The following NCKAP5 variants were observed in gnomAD, a reference collection of about 807,000 sequenced individuals.
The protein encoded by NCKAP5 is nck-associated protein 5.
Under a neutral mutation model 167.0 loss-of-function variants are expected in NCKAP5, and 92 were observed. The observed-to-expected ratio is 0.55, with a 90% CI of 0.47 to 0.66. The LOEUF is 0.66. NCKAP5 is among the 30% of genes least tolerant of loss of function. The probability of loss-of-function intolerance (pLI) is 0.00; values close to 1 mark genes in which losing one functional copy is unlikely to be tolerated. For missense variants in NCKAP5, 2,378 were observed against 2,315.0 expected (o/e 1.03, Z -0.56); for synonymous variants, 891 against 877.4 (o/e 1.02, Z -0.27).
At chr2:133,258,762 G>A (rs114081736) in intron 4 of NCKAP5, among the ~76,000 whole-genome samples, 8,216 of 150,478 alleles carry the variant, frequency 0.055, 699 homozygotes, top group African/African-American at 0.18. Flanking sequence ...AAAAAAAAAA[G>A]AAGAAGAAGA....
In NCKAP5 at chr2:133,334,110, T is replaced by G. The variant is rs139171814; in HGVS notation, c.70-31000A>C. On this transcript the variant is annotated intron_variant, in intron 3 of 19. Transcript: ENST00000409261. ...GATGGTTTATTTCAATGGTTATGTG[T>G]GTGGACACTGGAGCCATCTTGCTTG... 7.9e-3 allele frequency among the ~76,000 whole-genome samples: 1,207 copies of G among 152,294 alleles called. 18 individuals are homozygous for G. Among genetic ancestry groups the G allele is most frequent in the African/African-American group, 0.025 (1,057 of 41,564 alleles).
intron 16 of NCKAP5, among the ~76,000 whole-genome samples, chr2:132,741,376 C>A (rs1679179688): frequency 6.6e-6 from 1 of 152,092 alleles, no homozygotes; most frequent in Admixed American, 6.6e-5. Flanking sequence ...AAAACAATGG[C>A]TACACTTGTA....
intron 3 of NCKAP5, among the ~76,000 whole-genome samples, chr2:133,451,156 C>G (rs540818885): frequency 2.6e-5 from 4 of 152,090 alleles, no homozygotes; most frequent in South Asian, 4.2e-4. Context: ...AGAAGATGGC[C>G]CAGTAACATG....
At chr2:133,106,341 A>T (rs2149699359) in intron 6 of NCKAP5, among the ~76,000 whole-genome samples, 1 of 151,756 alleles carries the variant, frequency 6.6e-6, no homozygotes, top group African/African-American at 2.4e-5. Context: ...ATTGTATTAG[A>T]GAAGAAGAGC....
At position 133,403,887 on chromosome 2, in the gene NCKAP5, A is replaced by ATGTGTGTGTGTGTGTGTGTGTGTG. The variant is rs138024785; in HGVS notation, c.70-100801_70-100778dup. ...CATAAGCTGGTCTGCAGTCAGGTGG[A>ATGTGTGTGTGTGTGTGTGTGTGTG]TGTGTGTGTGTGTGTGTGTGTGTGT... On this transcript the variant is annotated intron_variant, in intron 3 of 19. Coordinates refer to ENST00000409261, the MANE Select transcript of NCKAP5 (RefSeq NM_207363.3). Among the ~76,000 whole-genome samples, 11 of 148,218 alleles carry ATGTGTGTGTGTGTGTGTGTGTGTG rather than the reference A, an allele frequency of 7.4e-5. 1 individual carries two copies. Among genetic ancestry groups the ATGTGTGTGTGTGTGTGTGTGTGTG allele is most frequent in the African/African-American group, 2.2e-4 (9 of 40,604 alleles).
intron 3 of NCKAP5, among the ~76,000 whole-genome samples, chr2:133,397,276 ATCTT>A (rs1304894377): frequency 6.6e-6 from 1 of 152,146 alleles, no homozygotes; most frequent in Non-Finnish European, 1.5e-5. Context: ...ATCTAAATCA[ATCTT>A]TCTTATGGCC....
At chr2:133,023,663 G>A (rs1262423092) in intron 6 of NCKAP5, among the ~76,000 whole-genome samples, 1 of 152,026 alleles carries the variant, frequency 6.6e-6, no homozygotes, top group Non-Finnish European at 1.5e-5. Flanking sequence ...TGTATACGTA[G>A]TGCTTAGCTC....
At chr2:132,937,023 C>T (rs2149083666) in intron 8 of NCKAP5, among the ~76,000 whole-genome samples, 1 of 152,248 alleles carries the variant, frequency 6.6e-6, no homozygotes, top group Non-Finnish European at 1.5e-5. Context: ...GCAAAGGTGT[C>T]CTATTAAGCA....
At chr2:133,061,495 C>T (rs1039259835) in intron 6 of NCKAP5, among the ~76,000 whole-genome samples, 1 of 152,196 alleles carries the variant, frequency 6.6e-6, no homozygotes, top group African/African-American at 2.4e-5. Context: ...CAAACCTTAT[C>T]ATGTACCATC....
At chr2:132,686,383 C>T (rs1685939653) in intron 19 of NCKAP5, among the ~76,000 whole-genome samples, 1 of 152,144 alleles carries the variant, frequency 6.6e-6, no homozygotes, top group South Asian at 2.1e-4. Context: ...GGGAAATCTC[C>T]TCTGAATTCT....
At chr2:132,710,825 C>A (rs912955210) in intron 19 of NCKAP5, among the ~76,000 whole-genome samples, 5 of 152,124 alleles carry the variant, frequency 3.3e-5, no homozygotes, top group Non-Finnish European at 4.4e-5. Context: ...TGTGAGTGAA[C>A]TTTGCACTCC....
chr2:133,460,129 TCTAA>T (rs1692112679), intron 3 of NCKAP5, among the ~76,000 whole-genome samples: 1 of 152,192 alleles, frequency 6.6e-6, no homozygotes, highest in African/African-American at 2.4e-5. Flanking sequence ...ATAAGAGCCC[TCTAA>T]CTACATTTTC....
At chr2:133,128,903 C>G (rs1468302709) in intron 6 of NCKAP5, among the ~76,000 whole-genome samples, 1 of 150,148 alleles carries the variant, frequency 6.7e-6, no homozygotes, top group Non-Finnish European at 1.5e-5. Context: ...TGGCCACATT[C>G]AAGTGTTCTA....
At chr2:133,165,379 T>C (rs1391205684) in intron 5 of NCKAP5, among the ~76,000 whole-genome samples, 3 of 152,208 alleles carry the variant, frequency 2.0e-5, no homozygotes, top group East Asian at 3.8e-4. Flanking sequence ...GAAACTCCTA[T>C]GTAAGAGTTT....
At chr2:133,178,568 G>C in intron 5 of NCKAP5, among the ~76,000 whole-genome samples, 1 of 137,300 alleles carries the variant, frequency 7.3e-6, no homozygotes, top group East Asian at 2.1e-4. Context: ...GCTCACGCCT[G>C]TAATCCCAGA....
chr2:133,412,475 A>T (rs995736063), intron 3 of NCKAP5, among the ~76,000 whole-genome samples: 1 of 152,112 alleles, frequency 6.6e-6, no homozygotes, highest in Non-Finnish European at 1.5e-5. Flanking sequence ...CCTGATTCTG[A>T]ATTTCTTATT....
chr2:133,616,705 C>G, the NCKAP5 span, among the ~76,000 whole-genome samples: 1 of 151,952 alleles, frequency 6.6e-6, no homozygotes, highest in East Asian at 1.9e-4. Context: ...GGATTCACAG[C>G]TGAATTCTAC....
chr2:133,144,177 G>T lies in NCKAP5; in HGVS notation c.208-14066C>A, dbSNP rs75972395. 4.6e-3 allele frequency among the ~76,000 whole-genome samples: 702 copies of T among 152,206 alleles called. 1 individual carries two copies. Among genetic ancestry groups the T allele is most frequent in the African/African-American group, 0.016 (656 of 41,546 alleles). On this transcript the variant is annotated intron_variant, in intron 5 of 19. Coordinates refer to ENST00000409261, the MANE Select transcript of NCKAP5 (RefSeq NM_207363.3). ...AAAGTATGAATTATCTAGAGCAGGG[G>T]TTGGCAAGTTTTTCTATAAGGAACC...
intron 16 of NCKAP5, among the ~76,000 whole-genome samples, chr2:132,773,217 G>A (rs1682243488): frequency 6.6e-6 from 1 of 152,224 alleles, no homozygotes; most frequent in African/African-American, 2.4e-5. Flanking sequence ...TCACAGGCAA[G>A]TTCTCCATCA....
Sources: allele counts gnomAD v4.1 joint callset (sites outside exome capture counted in the v4.1 genomes callset), GRCh38; gene constraint gnomAD v4.1.1; transcripts MANE v1.5; gene names NCBI Gene and HGNC (gene_info 2026-07-23, HGNC 2026-07-21).